UNC5B: variants seen among roughly 807,000 people sequenced by gnomAD.
UNC5B encodes the protein unc-5 netrin receptor B.
Under a neutral mutation model 103.7 loss-of-function variants are expected in UNC5B, and 56 were observed. The observed-to-expected ratio is 0.54, with a 90% confidence interval of 0.44 to 0.67. The LOEUF (loss-of-function observed/expected upper bound fraction) is 0.67. Ranked by LOEUF, UNC5B falls within the 30% of genes least tolerant of loss-of-function variation. The pLI is 0.00. For missense variants in UNC5B, 1,194 were observed against 1,284.5 expected, an observed-to-expected ratio of 0.93 and a Z score of 1.08; for synonymous variants, 577 against 542.0, an observed-to-expected ratio of 1.06 and a Z score of -0.90.
intron 1 of UNC5B, among the ~76,000 whole-genome samples, chr10:71,224,248 C>CACACAG (rs1296358930): frequency 1.4e-5 from 2 of 145,434 alleles, no homozygotes. Flanking sequence ...CAGACACACA[C>CACACAG]ACACAGACAC....
intron 1 of UNC5B, among the ~76,000 whole-genome samples, chr10:71,227,733 CACACACACACACAT>C (rs1843603425): frequency 6.8e-6 from 1 of 147,450 alleles, no homozygotes; most frequent in African/African-American, 2.5e-5. Flanking sequence ...CACACACACA[CACACACACACACAT>C]ACATACCCTA....
intron 6 of UNC5B, 45 bp from the exon 7 acceptor site, chr10:71,288,523 A>C (rs777908941): frequency 1.5e-5 from 24 of 1,591,984 alleles, no homozygotes; most frequent in Non-Finnish European, 2.1e-5. Context: ...CTATGTGTGC[A>C]CATGTCTCTG....
chr10:71,271,211 T>C (rs1844638356), intron 1 of UNC5B, among the ~76,000 whole-genome samples: 1 of 152,244 alleles, frequency 6.6e-6, no homozygotes. Context: ...TTTTGGTGGC[T>C]GTGACCTCGA....
intron 1 of UNC5B, among the ~76,000 whole-genome samples, chr10:71,233,616 A>G (rs961626914): frequency 2.0e-5 from 3 of 152,148 alleles, no homozygotes; most frequent in Admixed American, 1.3e-4. Flanking sequence ...TGCAGCCTGC[A>G]TCTCCCTCTC....
intron 1 of UNC5B, among the ~76,000 whole-genome samples, chr10:71,261,902 C>A (rs1037671491): frequency 6.7e-6 from 1 of 150,358 alleles, no homozygotes; most frequent in African/African-American, 2.5e-5. Context: ...ACACCCAGCC[C>A]TTAGATGGGG....
intron 1 of UNC5B, among the ~76,000 whole-genome samples, chr10:71,230,427 G>A (rs1372897634): frequency 1.3e-5 from 2 of 152,256 alleles, no homozygotes; most frequent in African/African-American, 4.8e-5. Context: ...ACATCAGACT[G>A]AGCAGAGCAG....
Position 71,293,514 on chromosome 10 carries a change from G to C in UNC5B, c.1882G>C (p.Val628Leu). The C allele has an allele frequency of 6.2e-7, 1 of 1,614,026 alleles. No homozygotes were observed. The highest frequency in any genetic ancestry group is 8.5e-7 in the Non-Finnish European group (1 of 1,180,036). ...CCTCACCATGCCCCACTGTGCCGAA[G>C]TCAGTGCCCGTGACTGGATCTTTCA... is the stretch of plus-strand genomic sequence containing the variant. ...VILTMPHCAEVSARDWIFQLK... is the reference protein window; with the variant it reads ...VILTMPHCAELSARDWIFQLK... Residue 628 changes from valine (V) to leucine (L), a missense_variant, in exon 12 of 17, where the codon GTC (valine) becomes CTC (leucine). Physicochemically the swap from Val to Leu is conservative, Grantham distance 32. Transcript: ENST00000335350.
Position 71,296,761 on chromosome 10 carries a change from A to T in UNC5B, c.2490+19A>T. ...GGCAGAGGTGAGGGAAGTCGGGGCCACATATTCCAGCTGCACACCACACTG... is the reference window on the plus strand; with the variant it reads ...GGCAGAGGTGAGGGAAGTCGGGGCCTCATATTCCAGCTGCACACCACACTG... On this transcript the variant is annotated intron_variant, in intron 15 of 16. Transcript: ENST00000335350. The T allele has an allele frequency of 6.2e-7, 1 of 1,602,970 alleles. No homozygotes were observed.
At chr10:71,234,952 C>T (rs1843746698) in intron 1 of UNC5B, among the ~76,000 whole-genome samples, 1 of 152,170 alleles carries the variant, frequency 6.6e-6, no homozygotes, top group Non-Finnish European at 1.5e-5. Flanking sequence ...CCCCAGCAGG[C>T]CAGATAGATT....
chr10:71,253,888 C>T (rs544323012), intron 1 of UNC5B, among the ~76,000 whole-genome samples: 16 of 152,220 alleles, frequency 1.1e-4, no homozygotes, highest in South Asian at 4.2e-4. Flanking sequence ...AGATGGGGAT[C>T]GCTGCAAGGT....
intron 1 of UNC5B, among the ~76,000 whole-genome samples, chr10:71,219,541 A>G (rs1843409699): frequency 6.6e-6 from 1 of 152,164 alleles, no homozygotes; most frequent in Non-Finnish European, 1.5e-5. Flanking sequence ...GTGCCCACCC[A>G]GATTAAGGGT....
intron 1 of UNC5B, among the ~76,000 whole-genome samples, chr10:71,251,587 A>G (rs1844172998): frequency 6.6e-6 from 1 of 152,134 alleles, no homozygotes; most frequent in Non-Finnish European, 1.5e-5. Flanking sequence ...ACTTTAATAA[A>G]TTTGCTTTTA....
At chr10:71,258,267 G>A (rs1844337953) in intron 1 of UNC5B, among the ~76,000 whole-genome samples, 1 of 152,150 alleles carries the variant, frequency 6.6e-6, no homozygotes, top group African/African-American at 2.4e-5. Context: ...CTCAGTCTGG[G>A]CCAGGGCAGG....
chr10:71,225,269 G>A (rs4076781), intron 1 of UNC5B, among the ~76,000 whole-genome samples: 147,523 of 152,308 alleles, frequency 0.97, 71,539 homozygotes, highest in Non-Finnish European at 1. Context: ...CCAAACCCAC[G>A]GGGGTCGCTG....
intron 1 of UNC5B, among the ~76,000 whole-genome samples, chr10:71,261,640 T>TTCCTTGTGCCCC (rs1454013925): frequency 2.0e-5 from 3 of 152,194 alleles, no homozygotes; most frequent in Admixed American, 1.3e-4. Flanking sequence ...AACCGAGTCC[T>TTCCTTGTGCCCC]TCCTTGTGCC....
At chr10:71,234,636 C>T (rs1843740791) in intron 1 of UNC5B, among the ~76,000 whole-genome samples, 1 of 152,202 alleles carries the variant, frequency 6.6e-6, no homozygotes, top group Non-Finnish European at 1.5e-5. Flanking sequence ...GATGGAATCC[C>T]TGGGGAGAAG....
In UNC5B at chr10:71,291,785, G is replaced by C; in HGVS notation, c.1648G>C (p.Gly550Arg). Residue 550 changes from glycine (G) to arginine (R), a missense_variant, in exon 10 of 17, where the codon GGC becomes CGC. Gly to Arg is a moderately radical substitution (Grantham distance 125). Transcript: ENST00000335350. ...DPGSSVSGTF[G>R]CLGGRLSIPG... Reference sequence around the variant, plus strand: ...AGGGAGCAGCGTCAGCGGCACCTTTGGCTGCCTGGGTGGGAGGCTCAGCAT... The same window carrying C: ...AGGGAGCAGCGTCAGCGGCACCTTTCGCTGCCTGGGTGGGAGGCTCAGCAT... The C allele has an allele frequency of 6.2e-7, 1 of 1,605,356 alleles. No individual in the cohort carries two copies. The highest frequency in any genetic ancestry group is 8.5e-7 in the Non-Finnish European group (1 of 1,179,134).
chr10:71,236,390 G>A (rs933255363), intron 1 of UNC5B, among the ~76,000 whole-genome samples: 8 of 152,182 alleles, frequency 5.3e-5, no homozygotes, highest in Admixed American at 2.6e-4. Flanking sequence ...GGGAAGGGAA[G>A]CAATGCAAGA....
intron 1 of UNC5B, among the ~76,000 whole-genome samples, chr10:71,220,794 C>T (rs150677458): frequency 6.6e-6 from 1 of 152,308 alleles, no homozygotes; most frequent in Non-Finnish European, 1.5e-5. Context: ...CATCTTCCTC[C>T]ACGGGAGTGA....
Sources: gnomAD v4.1 joint callset for allele counts (sites outside exome capture counted in the v4.1 genomes callset) on GRCh38, gnomAD v4.1.1 for gene constraint, MANE v1.5 for transcripts, NCBI Gene and HGNC (gene_info 2026-07-23, HGNC 2026-07-21) for gene names.